The following PCDH12 variants were observed in gnomAD, a reference collection of about 807,000 sequenced individuals.
PCDH12 encodes protocadherin-12.
A neutral mutation model predicts 70.9 loss-of-function variants in PCDH12; 45 were observed. The ratio of observed to expected loss-of-function variants is 0.63; its 90% CI spans 0.50 to 0.81. The LOEUF (loss-of-function observed/expected upper bound fraction) is 0.81. Among genes scored for constraint, PCDH12 ranks in the 40% least tolerant of loss-of-function variants. The pLI is 0.00. For synonymous variants in PCDH12, 567 were observed against 626.0 expected (o/e 0.91, Z 1.41); for missense variants, 1,370 against 1,491.7 (o/e 0.92, Z 1.34).
chr5:141,946,220 C>G (rs1343271582), intron 3 of PCDH12, among the ~76,000 whole-genome samples: 1 of 152,166 alleles, frequency 6.6e-6, no homozygotes, highest in Non-Finnish European at 1.5e-5. Context: ...TTTGCCAAGG[C>G]TGGAGTTCCT....
chr5:141,956,331 T>C lies in PCDH12; in HGVS notation c.1521A>G (p.Leu507=), dbSNP rs1449366964. 1.2e-6 allele frequency: 2 copies of C among 1,614,222 alleles called. No individual in the cohort carries two copies. Among genetic ancestry groups the C allele is most frequent in the Non-Finnish European group, 1.7e-6 (2 of 1,180,034 alleles). ...CTCCTGTGTTGGAGTCAATAGCTAC[T>C]AAGTGAGCAACTGGGGAGTCCTGGA... ...YRIQDSPVAH[L]VAIDSNTGEV... The change falls in exon 1 of 4, where the codon TTA becomes TTG. Residue 507 remains leucine (L), a synonymous_variant. Coordinates refer to ENST00000231484, the MANE Select transcript of PCDH12 (RefSeq NM_016580.4).
chr5:141,945,624 C>G lies in PCDH12; in HGVS notation c.3312G>C (p.Arg1104Ser), dbSNP rs774912576. The G allele has an allele frequency of 6.2e-7, 1 of 1,614,210 alleles. No individual in the cohort carries two copies. The highest frequency in any genetic ancestry group is 8.5e-7 in the Non-Finnish European group (1 of 1,180,048). ...EAPELSPTGTRLASTFVSEMS... is the reference protein window; with the variant it reads ...EAPELSPTGTSLASTFVSEMS... ...TCTCCGAGACAAAGGTGCTGGCCAG[C>G]CTCGTGCCTGTTGGGCTCAGCTCTG... is the stretch of plus-strand genomic sequence containing the variant. The change falls in exon 4 of 4, where the codon AGG becomes AGC. Residue 1104 changes from arginine to serine, a missense_variant. Coordinates refer to ENST00000231484, the MANE Select transcript of PCDH12 (RefSeq NM_016580.4).
chr5:141,957,626 G>A lies in PCDH12; in HGVS notation c.226C>T (p.Pro76Ser), dbSNP rs759106062. 1 of 1,614,016 alleles carries A rather than the reference G, an allele frequency of 6.2e-7. No homozygotes were observed. Among genetic ancestry groups the A allele is most frequent in the Non-Finnish European group, 8.5e-7 (1 of 1,180,032 alleles). ...CCTTCCTCAGAGTCCACCTGAATGG[G>A]GAGCGCCTGAGGCAGCTGCAACACC... Reference protein sequence around the residue: ...FQVLQLPQALPIQVDSEEGLL... With the variant: ...FQVLQLPQALSIQVDSEEGLL... The change falls in exon 1 of 4, where the codon CCC (proline) becomes TCC (serine). Residue 76 changes from proline to serine, a missense_variant. Transcript: ENST00000231484. This position sits in a 1 kb window ranked among gnomAD's most constrained non-coding sequence, Gnocchi z 4.3.
At position 141,956,281 on chromosome 5, in the gene PCDH12, T is replaced by C; in HGVS notation, c.1571A>G (p.Asn524Ser). The C allele has an allele frequency of 6.2e-7, 1 of 1,614,186 alleles. No homozygotes were observed. Among genetic ancestry groups the C allele is most frequent in the East Asian group, 2.2e-5 (1 of 44,878 alleles). ...TGEVTAQRSL[N>S]YEEMAGFEFQ... The stretch of plus-strand genomic sequence containing the variant: ...CTCAAAGCCGGCCATCTCTTCATAG[T>C]TCAGTGACCTCTGAGCAGTGACCTC... Residue 524 changes from asparagine (N) to serine (S), a missense_variant, in exon 1 of 4, where the codon AAC (asparagine) becomes AGC (serine). By Grantham distance (46) the Asn-to-Ser change is conservative. Transcript: ENST00000231484.
Position 141,957,614 on chromosome 5 carries a change from C to A in PCDH12, c.238G>T (p.Asp80Tyr). The change falls in exon 1 of 4, where the codon GAC becomes TAC. Residue 80 changes from aspartate (D) to tyrosine (Y), a missense_variant. Coordinates refer to ENST00000231484, the MANE Select transcript of PCDH12 (RefSeq NM_016580.4). This position sits in a 1 kb window ranked among gnomAD's most constrained non-coding sequence, Gnocchi z 4.3. Reference sequence around the variant, plus strand: ...GTGCTGAGCAAGCCTTCCTCAGAGTCCACCTGAATGGGGAGCGCCTGAGGC... The same window carrying A: ...GTGCTGAGCAAGCCTTCCTCAGAGTACACCTGAATGGGGAGCGCCTGAGGC... Reference protein sequence around the residue: ...QLPQALPIQVDSEEGLLSTGR... With the variant: ...QLPQALPIQVYSEEGLLSTGR... 2 of 1,614,192 alleles carry A rather than the reference C, an allele frequency of 1.2e-6. No homozygotes were observed. Among genetic ancestry groups the A allele is most frequent in the Non-Finnish European group, 1.7e-6 (2 of 1,180,028 alleles).
chr5:141,948,621 G>A (rs1753003138), intron 3 of PCDH12, among the ~76,000 whole-genome samples: 1 of 152,196 alleles, frequency 6.6e-6, no homozygotes, highest in Admixed American at 6.5e-5. Flanking sequence ...CTGGTTCCCA[G>A]GGTGAAAGGG....
In PCDH12 at chr5:141,945,259, A is replaced by G. The variant is rs1752877738; in HGVS notation, c.*122T>C. On this transcript the variant is annotated 3_prime_UTR_variant, in exon 4 of 4. Coordinates refer to ENST00000231484, the MANE Select transcript of PCDH12 (RefSeq NM_016580.4). ...CTCTTGCCTCCTCTGTGGGGGTAGC[A>G]TCAGTCACCCTAAAGTTCTCAGGCC... 8.3e-7 allele frequency: 1 copy of G among 1,199,366 alleles called. No homozygotes were observed. The highest frequency in any genetic ancestry group is 1.2e-6 in the Non-Finnish European group (1 of 855,950). 74.3% of individuals were successfully genotyped at this position (1,199,366 alleles called of 1,614,324 possible). A position where few individuals can be genotyped will look rare whatever the true frequency, so the allele number is the denominator to read the frequency against.
In PCDH12 at chr5:141,945,430, C is replaced by G; in HGVS notation, c.3506G>C (p.Gly1169Ala). The G allele has an allele frequency of 6.2e-7, 1 of 1,613,110 alleles. No homozygotes were observed. The highest frequency in any genetic ancestry group is 1.1e-5 in the South Asian group (1 of 91,044). Residue 1169 changes from glycine (G) to alanine (A), a missense_variant, in exon 4 of 4, where the codon GGG becomes GCG. Coordinates refer to ENST00000231484, the MANE Select transcript of PCDH12 (RefSeq NM_016580.4). ...GCTGCCTCTGCTCTTGCCCTCAGTC[C>G]CCGTCTTTCCACCTGGGTCCCCTTG... ...KVQGDPGGKT[G>A]TEGKSRGSSS...
chr5:141,956,142 G>GA lies in PCDH12; in HGVS notation c.1709dup (p.Ser571GlnfsTer34), dbSNP rs1753180003. The GA allele has an allele frequency of 6.2e-7, 1 of 1,614,066 alleles. No homozygotes were observed. The highest frequency in any genetic ancestry group is 1.3e-5 in the African/African-American group (1 of 74,926). On this transcript the variant is annotated frameshift_variant, in exon 1 of 4. Transcript: ENST00000231484. LOFTEE classifies it high-confidence loss of function. ...CGGAGAGGCTGGCTTTTCCATCGCT[G>GA]AGCACAGGCTGGACCACCTCTGGGG...
Position 141,957,005 on chromosome 5 carries a change from G to C in PCDH12, c.847C>G (p.Leu283Val). Reference sequence around the variant, plus strand: ...ACCTCTGGAGGCATGTGCTTACTGAGGAAGAACTCCACCTCCCCATTGGGG... The same window carrying C: ...ACCTCTGGAGGCATGTGCTTACTGACGAAGAACTCCACCTCCCCATTGGGG... Reference protein sequence around the residue: ...QGPNGEVEFFLSKHMPPEVLD... With the variant: ...QGPNGEVEFFVSKHMPPEVLD... Residue 283 changes from leucine to valine, a missense_variant, in exon 1 of 4, where the codon CTC becomes GTC. Leu to Val is a conservative substitution (Grantham distance 32). Coordinates refer to ENST00000231484, the MANE Select transcript of PCDH12 (RefSeq NM_016580.4). This position sits in a 1 kb window ranked among gnomAD's most constrained non-coding sequence, Gnocchi z 4.3. 1 of 1,614,190 alleles carries C rather than the reference G, an allele frequency of 6.2e-7. No homozygotes were observed. The highest frequency in any genetic ancestry group is 8.5e-7 in the Non-Finnish European group (1 of 1,180,028).
chr5:141,955,048 AG>A lies in PCDH12; in HGVS notation c.2803del (p.Leu935TrpfsTer93). 1 of 1,614,250 alleles carries A rather than the reference AG, an allele frequency of 6.2e-7. No homozygotes were observed. The highest frequency in any genetic ancestry group is 2.2e-5 in the East Asian group (1 of 44,888). ...GAAGGCAGCCACAGACAGCCGGACC[AG>A]GCTCCGCAGGATCTGACGGGGCCCT... ...ESGPRQILRS[L>X]VRLSVAAFAE... On this transcript the variant is annotated frameshift_variant, in exon 1 of 4. Coordinates refer to ENST00000231484, the MANE Select transcript of PCDH12 (RefSeq NM_016580.4). LOFTEE classifies it high-confidence loss of function. The surrounding 1 kb of genome is among the most constrained non-coding windows in gnomAD (Gnocchi z 5.5).
intron 3 of PCDH12, among the ~76,000 whole-genome samples, chr5:141,946,060 A>G (rs1295654975): frequency 6.6e-6 from 1 of 152,212 alleles, no homozygotes; most frequent in Non-Finnish European, 1.5e-5. Context: ...GCCTAGAAGT[A>G]GAAATTTGCC....
intron 1 of PCDH12, among the ~76,000 whole-genome samples, chr5:141,953,771 G>A (rs1753128485): frequency 6.6e-6 from 1 of 152,224 alleles, no homozygotes; most frequent in African/African-American, 2.4e-5. Flanking sequence ...GGTCTGCACC[G>A]ATCCCAGGGC....
At position 141,944,723 on chromosome 5, in the gene PCDH12, A is replaced by T. The variant is rs541043448; in HGVS notation, c.*658T>A. The T allele has an allele frequency of 1.3e-5, 2 of 152,364 alleles. No individual in the cohort carries two copies. The highest frequency in any genetic ancestry group is 1.3e-4 in the Admixed American group (2 of 15,296). 9.4% of individuals were successfully genotyped at this position (152,364 alleles called of 1,614,324 possible). A position where few individuals can be genotyped will look rare whatever the true frequency, so the allele number is the denominator to read the frequency against. On this transcript the variant is annotated 3_prime_UTR_variant, in exon 4 of 4. Coordinates refer to ENST00000231484, the MANE Select transcript of PCDH12 (RefSeq NM_016580.4). ...GGTGCCTGGCTCATGTAAATGCTTT[A>T]TAAATAGTTGTGCTTTCTTAGCTCT...
intron 3 of PCDH12, among the ~76,000 whole-genome samples, chr5:141,946,172 G>A (rs893038564): frequency 6.6e-6 from 1 of 152,078 alleles, no homozygotes; most frequent in African/African-American, 2.4e-5. Context: ...CTCCCCTCAG[G>A]GCTCCACTAG....
intron 3 of PCDH12, 123 bp from the exon 4 acceptor site, chr5:141,945,928 G>C: frequency 1.1e-6 from 1 of 880,290 alleles, no homozygotes; most frequent in Non-Finnish European, 1.7e-6. Flanking sequence ...GCAGGGGACA[G>C]ACAGAGTGGC....
chr5:141,956,015 A>C lies in PCDH12; in HGVS notation c.1837T>G (p.Ser613Ala), dbSNP rs773781108. The change falls in exon 1 of 4, where the codon TCC becomes GCC. Residue 613 changes from serine to alanine, a missense_variant. Transcript: ENST00000231484. ...TDTPPLATHS[S>A]RPFLLTTIVA... ...ATGGTTGTCAAAAGGAATGGCCGGGAGCTGTGAGTGGCCAGTGGAGGTGTG... is the reference window on the plus strand; with the variant it reads ...ATGGTTGTCAAAAGGAATGGCCGGGCGCTGTGAGTGGCCAGTGGAGGTGTG... 1 of 1,614,054 alleles carries C rather than the reference A, an allele frequency of 6.2e-7. No homozygotes were observed. The highest frequency in any genetic ancestry group is 1.7e-5 in the Admixed American group (1 of 60,010).
chr5:141,957,786 C>T lies in PCDH12; in HGVS notation c.66G>A (p.Gly22=). ...LGPGGYLFLL[G]DCQEVTTLTV... ...TGAGAGTGGTCACCTCCTGACAATC[C>T]CCTAAAAGAAATAAGTAGCCACCTG... Residue 22 remains glycine, a synonymous_variant, in exon 1 of 4, where the codon GGG becomes GGA. Transcript: ENST00000231484. The surrounding 1 kb of genome is among the most constrained non-coding windows in gnomAD (Gnocchi z 4.3). 2 of 1,607,768 alleles carry T rather than the reference C, an allele frequency of 1.2e-6. No individual in the cohort carries two copies. Among genetic ancestry groups the T allele is most frequent in the Non-Finnish European group, 1.7e-6 (2 of 1,179,990 alleles).
chr5:141,946,903 TAAAAA>T (rs5871795), intron 3 of PCDH12, among the ~76,000 whole-genome samples: 1 of 145,364 alleles, frequency 6.9e-6, no homozygotes, highest in Admixed American at 6.8e-5. Flanking sequence ...TTAAAAAAAT[TAAAAA>T]AAAAAAAAAA....
Sources: gnomAD v4.1 joint callset for allele counts (sites outside exome capture counted in the v4.1 genomes callset) on GRCh38, gnomAD v4.1.1 for gene constraint, Gnocchi (gnomAD v3.1) non-coding constraint, MANE v1.5 for transcripts, NCBI Gene and HGNC (gene_info 2026-07-23, HGNC 2026-07-21) for gene names.